Variants in CFAP54 observed in about 807,000 individuals in gnomAD.
CFAP54 encodes the protein cilia and flagella associated protein 54.
Under a neutral mutation model 370.4 loss-of-function variants are expected in CFAP54, and 290 were observed. The observed-to-expected ratio is 0.78, with a 90% CI of 0.71 to 0.86. The LOEUF (loss-of-function observed/expected upper bound fraction) is 0.86. Among genes scored for constraint, CFAP54 ranks in the 40% least tolerant of loss-of-function variants. The pLI is 0.00. For synonymous variants in CFAP54, 1,206 were observed against 1,236.5 expected, an observed-to-expected ratio of 0.98 and a Z score of 0.52; for missense variants, 3,399 against 3,528.7, an observed-to-expected ratio of 0.96 and a Z score of 0.93.
At chr12:96,517,756 C>T (rs1955253869) in intron 5 of CFAP54, among the ~76,000 whole-genome samples, 1 of 152,224 alleles carries the variant, frequency 6.6e-6, no homozygotes, top group Admixed American at 6.5e-5. Context: ...TCTAGCCATA[C>T]ACCCTGAAAG....
At chr12:96,855,853 G>T (rs1204107215) in intron 66 of CFAP54, among the ~76,000 whole-genome samples, 1 of 152,232 alleles carries the variant, frequency 6.6e-6, no homozygotes, top group East Asian at 1.9e-4. Context: ...CAGTGCCCCA[G>T]TGGGACTCTG....
intron 51 of CFAP54, 44 bp from the exon 52 acceptor site, chr12:96,742,395 A>G: frequency 7.0e-7 from 1 of 1,433,038 alleles, no homozygotes; most frequent in Non-Finnish European, 9.8e-7. Flanking sequence ...TAGAACCTTG[A>G]CATTATTAAA....
chr12:96,580,476 G>A (rs1956021752), intron 20 of CFAP54, 121 bp from the exon 21 acceptor site: 2 of 549,820 alleles, frequency 3.6e-6, no homozygotes, highest in African/African-American at 3.9e-5. Context: ...AAGTATATTT[G>A]TAAACTTGGA....
chr12:96,625,842 G>A (rs188216272), intron 29 of CFAP54, 35 bp downstream of exon 29: 79 of 1,371,996 alleles, frequency 5.8e-5, no homozygotes, highest in Admixed American at 5.7e-4. Flanking sequence ...CTGTTCACTC[G>A]ATTTATCACT....
intron 66 of CFAP54, among the ~76,000 whole-genome samples, chr12:96,842,698 T>C (rs922088166): frequency 1.2e-4 from 19 of 152,178 alleles, no homozygotes; most frequent in African/African-American, 4.6e-4. Context: ...AAATAGTGAA[T>C]GTTCAGTGGC....
Position 96,699,963 on chromosome 12 carries a change from C to G in CFAP54, c.6352-8C>G. 6.4e-7 allele frequency: 1 copy of G among 1,551,310 alleles called. No homozygotes were observed. Reference sequence around the variant, plus strand: ...ATTAAGTACCTCATTATTTCCTTTCCTTTACAGATAGAAGTCCTTATAGAT... The same window carrying G: ...ATTAAGTACCTCATTATTTCCTTTCGTTTACAGATAGAAGTCCTTATAGAT... On this transcript the variant is annotated splice_region_variant and splice_polypyrimidine_tract_variant and intron_variant, in intron 45 of 67. Coordinates refer to ENST00000524981, the MANE Select transcript of CFAP54 (RefSeq NM_001306084.2).
chr12:96,756,516 T>C lies in CFAP54; in HGVS notation c.7899T>C (p.Ser2633=), dbSNP rs1253830385. The part of the protein sequence containing the change: ...EEKSPSFQLE[S]LYEAIQLSLK... ...AATCTCCAAGTTTTCAACTTGAGAG[T>C]TTATATGAAGCTATACAACTAAGCC... is the stretch of plus-strand genomic sequence containing the variant. Residue 2633 remains serine, a synonymous_variant, in exon 57 of 68, where the codon AGT becomes AGC. Transcript: ENST00000524981. 2 of 1,605,708 alleles carry C rather than the reference T, an allele frequency of 1.2e-6. No homozygotes were observed. Among genetic ancestry groups the C allele is most frequent in the Non-Finnish European group, 1.7e-6 (2 of 1,176,874 alleles).
At chr12:96,677,466 A>G (rs1004905279) in intron 39 of CFAP54, among the ~76,000 whole-genome samples, 1 of 152,212 alleles carries the variant, frequency 6.6e-6, no homozygotes, top group Non-Finnish European at 1.5e-5. Flanking sequence ...TCTAAGAAAA[A>G]TAGAGAAACA....
intron 63 of CFAP54, among the ~76,000 whole-genome samples, chr12:96,802,911 G>A (rs1958837511): frequency 6.6e-6 from 1 of 152,090 alleles, no homozygotes; most frequent in African/African-American, 2.4e-5. Context: ...TCCCACTTAT[G>A]AGTGAGAACA....
At chr12:96,762,268 C>T (rs1958347894) in intron 58 of CFAP54, among the ~76,000 whole-genome samples, 1 of 152,124 alleles carries the variant, frequency 6.6e-6, no homozygotes, top group Admixed American at 6.5e-5. Context: ...CGTCCTGTGA[C>T]CTTGCTAAAC....
chr12:96,805,166 T>A (rs138019342), intron 63 of CFAP54, among the ~76,000 whole-genome samples: 52 of 152,222 alleles, frequency 3.4e-4, no homozygotes, highest in African/African-American at 1.3e-3. Context: ...AAAATTCTCC[T>A]GGACATTGGC....
Position 96,720,565 on chromosome 12 carries a change from G to T in CFAP54, c.6965G>T (p.Ser2322Ile). The change falls in exon 50 of 68, where the codon AGT becomes ATT. Residue 2322 changes from serine to isoleucine, a missense_variant and splice_region_variant. By Grantham distance (142) the Ser-to-Ile change is moderately radical. Transcript: ENST00000524981. The part of the protein sequence containing the change: ...VALQRHRAAY[S>I]AAIVFSTLTL... ...CTGCAGAGGCACCGGGCGGCATACA[G>T]GTGCGTCTCTCCATGCACAGGGGAG... is the stretch of plus-strand genomic sequence containing the variant. 1 of 1,528,498 alleles carries T rather than the reference G, an allele frequency of 6.5e-7. No homozygotes were observed. The allele number at this position is 1,528,498 out of a possible 1,614,324, so 94.7% of individuals were successfully genotyped here.
intron 67 of CFAP54, among the ~76,000 whole-genome samples, chr12:96,863,393 A>C (rs1959926976): frequency 6.6e-6 from 1 of 152,226 alleles, no homozygotes; most frequent in South Asian, 2.1e-4. Context: ...CACGATGCAC[A>C]TAGTATTACT....
chr12:96,613,785 C>A (rs1449396842), intron 26 of CFAP54, among the ~76,000 whole-genome samples: 2 of 152,060 alleles, frequency 1.3e-5, no homozygotes, highest in Non-Finnish European at 2.9e-5. Flanking sequence ...TGGATAAATT[C>A]CTGGACACAT....
At position 96,626,955 on chromosome 12, in the gene CFAP54, A is replaced by G. The variant is rs1274649438; in HGVS notation, c.4103+16A>G. On this transcript the variant is annotated intron_variant, in intron 30 of 67. Coordinates refer to ENST00000524981, the MANE Select transcript of CFAP54 (RefSeq NM_001306084.2). ...TCTTGAAAAGGTACTTGCAATTATC[A>G]GTGTTATACATGTTAACAACTTTAA... is the stretch of plus-strand genomic sequence containing the variant. The G allele has an allele frequency of 1.5e-6, 2 of 1,303,750 alleles. No homozygotes were observed. The highest frequency in any genetic ancestry group is 2.7e-5 in the East Asian group (1 of 37,312). The allele number at this position is 1,303,750 out of a possible 1,614,324, so 80.8% of individuals were successfully genotyped here.
In CFAP54 at chr12:96,688,386, G is replaced by T. The variant is rs554197135; in HGVS notation, c.6015-530G>T. Among the ~76,000 whole-genome samples, 18 of 152,206 alleles carry T rather than the reference G, an allele frequency of 1.2e-4. 1 individual carries two copies. In the South Asian group the frequency reaches 2.5e-3, roughly 21 times the overall value. On this transcript the variant is annotated intron_variant, in intron 42 of 67. Coordinates refer to ENST00000524981, the MANE Select transcript of CFAP54 (RefSeq NM_001306084.2). ...CACTCATCAAAAGCCTTTACTGTGC[G>T]CCCCCTTTTACCAAAAACTTCCACG... is the stretch of plus-strand genomic sequence containing the variant.
intron 1 of CFAP54, among the ~76,000 whole-genome samples, chr12:96,498,962 T>C (rs1177179560): frequency 6.6e-6 from 1 of 152,128 alleles, no homozygotes; most frequent in Non-Finnish European, 1.5e-5. Context: ...CTTTTTTAAA[T>C]ATTTTTATTT....
In CFAP54 at chr12:96,699,941, A is replaced by G. The variant is rs779490058; in HGVS notation, c.6352-30A>G. ...TCTAAGTAAAACAAATTGTTTAATT[A>G]AGTACCTCATTATTTCCTTTCCTTT... On this transcript the variant is annotated intron_variant, in intron 45 of 67. Coordinates refer to ENST00000524981, the MANE Select transcript of CFAP54 (RefSeq NM_001306084.2). 11 of 1,508,876 alleles carry G rather than the reference A, an allele frequency of 7.3e-6. No individual in the cohort carries two copies. In the African/African-American group the frequency reaches 1.6e-4, roughly 21 times the overall value. The allele number at this position is 1,508,876 out of a possible 1,614,324, so 93.5% of individuals were successfully genotyped here.
At chr12:96,775,101 A>T (rs1565974095) in intron 60 of CFAP54, among the ~76,000 whole-genome samples, 1 of 152,178 alleles carries the variant, frequency 6.6e-6, no homozygotes, top group Non-Finnish European at 1.5e-5. Context: ...CCATAGTCAC[A>T]GTGTAAATGA....
Sources: gnomAD v4.1 joint callset for allele counts (sites outside exome capture counted in the v4.1 genomes callset) on GRCh38, gnomAD v4.1.1 for gene constraint, MANE v1.5 for transcripts, NCBI Gene and HGNC (gene_info 2026-07-23, HGNC 2026-07-21) for gene names.